The following FHOD3 variants were observed in gnomAD, a reference collection of about 807,000 sequenced individuals.
FHOD3 encodes the protein FH1/FH2 domain-containing protein 3.
Under a neutral mutation model 173.0 loss-of-function variants are expected in FHOD3, and 90 were observed. The observed-to-expected ratio is 0.52, with a 90% CI of 0.44 to 0.62. FHOD3 has a LOEUF of 0.62. FHOD3 is among the 20% of genes least tolerant of loss of function. The pLI is 0.00. For missense variants in FHOD3, 1,945 were observed against 2,034.7 expected, an observed-to-expected ratio of 0.96 and a Z score of 0.85; for synonymous variants, 828 against 823.0, an observed-to-expected ratio of 1.01 and a Z score of -0.10.
intron 3 of FHOD3, among the ~76,000 whole-genome samples, chr18:36,428,265 T>C (rs749502874): frequency 2.0e-5 from 3 of 152,214 alleles, no homozygotes; most frequent in Non-Finnish European, 4.4e-5. Flanking sequence ...GGAATCATAT[T>C]TATACTCTCC....
chr18:36,703,768 T>A (rs960710038), intron 17 of FHOD3, among the ~76,000 whole-genome samples: 1 of 152,164 alleles, frequency 6.6e-6, no homozygotes, highest in Non-Finnish European at 1.5e-5. Flanking sequence ...TCAGGCCGGC[T>A]CGTTCCTCAT....
chr18:36,769,073 G>A (rs2043262916), intron 27 of FHOD3, among the ~76,000 whole-genome samples, 192 bp from the exon 28 acceptor site: 1 of 152,174 alleles, frequency 6.6e-6, no homozygotes, highest in African/African-American at 2.4e-5. Flanking sequence ...TAGCAGTCAC[G>A]AGTTATGGTG....
intron 5 of FHOD3, among the ~76,000 whole-genome samples, chr18:36,523,768 T>A (rs2056385789): frequency 6.6e-6 from 1 of 152,182 alleles, no homozygotes; most frequent in South Asian, 2.1e-4. Flanking sequence ...AGCTCTAAGA[T>A]TCTGTGATTC....
intron 14 of FHOD3, among the ~76,000 whole-genome samples, chr18:36,665,375 C>A (rs1051797197): frequency 6.6e-6 from 1 of 152,186 alleles, no homozygotes; most frequent in East Asian, 1.9e-4. Context: ...AGAAGATGAG[C>A]AAATCATCTG....
chr18:36,661,144 G>A (rs866476566), intron 14 of FHOD3, among the ~76,000 whole-genome samples: 7 of 151,768 alleles, frequency 4.6e-5, no homozygotes, highest in African/African-American at 1.7e-4. Flanking sequence ...GAAATAAGAG[G>A]ATCTTCTAAC....
At chr18:36,555,712 T>G (rs1188210577) in intron 5 of FHOD3, among the ~76,000 whole-genome samples, 1 of 152,168 alleles carries the variant, frequency 6.6e-6, no homozygotes, top group Non-Finnish European at 1.5e-5. Context: ...CTTTGAAGCT[T>G]TGTTATTACA....
At chr18:36,731,621 G>A (rs1413809796) in intron 20 of FHOD3, among the ~76,000 whole-genome samples, 2 of 152,188 alleles carry the variant, frequency 1.3e-5, no homozygotes, top group African/African-American at 4.8e-5. Flanking sequence ...CTCCTTTAAA[G>A]CCTCTCTGTG....
intron 1 of FHOD3, among the ~76,000 whole-genome samples, chr18:36,333,954 T>G (rs904667116): frequency 6.6e-6 from 1 of 152,214 alleles, no homozygotes; most frequent in African/African-American, 2.4e-5. Context: ...CATGTGTACC[T>G]TTTGAATCAG....
intron 16 of FHOD3, among the ~76,000 whole-genome samples, 168 bp downstream of exon 16, chr18:36,687,346 A>G (rs1254118598): frequency 2.0e-5 from 3 of 152,216 alleles, no homozygotes; most frequent in Non-Finnish European, 2.9e-5. Flanking sequence ...TTCCAATAAA[A>G]GTATGGAGTT....
intron 6 of FHOD3, among the ~76,000 whole-genome samples, chr18:36,581,260 C>A (rs1288884294): frequency 6.6e-6 from 1 of 152,298 alleles, no homozygotes; most frequent in African/African-American, 2.4e-5. Flanking sequence ...ATTTTTTTCT[C>A]TTCATACATC....
intron 3 of FHOD3, among the ~76,000 whole-genome samples, chr18:36,458,705 T>G (rs2144635087): frequency 6.7e-6 from 1 of 150,022 alleles, no homozygotes; most frequent in East Asian, 2.0e-4. Flanking sequence ...ATTTAAACTT[T>G]CCTCCAGTGA....
intron 3 of FHOD3, among the ~76,000 whole-genome samples, chr18:36,484,536 T>C (rs1049773085): frequency 6.6e-6 from 1 of 152,086 alleles, no homozygotes; most frequent in Non-Finnish European, 1.5e-5. Flanking sequence ...TAAGTCTCAA[T>C]GAGAATATAA....
chr18:36,630,091 G>A (rs2034403034), intron 10 of FHOD3, among the ~76,000 whole-genome samples: 1 of 152,178 alleles, frequency 6.6e-6, no homozygotes. Context: ...ACATGATGCT[G>A]AGATAGAGAG....
At chr18:36,706,191 C>T (rs973092971) in intron 17 of FHOD3, among the ~76,000 whole-genome samples, 7 of 152,138 alleles carry the variant, frequency 4.6e-5, no homozygotes, top group African/African-American at 1.4e-4. Context: ...TCTTGGCCCT[C>T]AGACAACTTT....
chr18:36,515,797 G>A (rs193007471), intron 5 of FHOD3, among the ~76,000 whole-genome samples: 48 of 152,164 alleles, frequency 3.2e-4, no homozygotes, highest in Middle Eastern at 3.4e-3. Flanking sequence ...CTTTACTGGC[G>A]ACCAGAAGGC....
chr18:36,676,773 G>A (rs893078114), intron 14 of FHOD3, among the ~76,000 whole-genome samples: 3 of 152,110 alleles, frequency 2.0e-5, no homozygotes, highest in Non-Finnish European at 1.5e-5. Flanking sequence ...CTGATTTCTA[G>A]TGAAGATGAG....
chr18:36,649,224 T>C (rs2149078174), intron 10 of FHOD3, 92 bp from the exon 11 acceptor site: 1 of 783,792 alleles, frequency 1.3e-6, no homozygotes, highest in Non-Finnish European at 2.0e-6. Flanking sequence ...TTGTTGTTGT[T>C]GTTTTTGCTT....
intron 24 of FHOD3, among the ~76,000 whole-genome samples, chr18:36,751,610 G>T (rs1284536473): frequency 1.3e-5 from 2 of 152,138 alleles, no homozygotes; most frequent in Non-Finnish European, 2.9e-5. Context: ...CTGTGGATTT[G>T]TCATAGATGG....
At chr18:36,527,967 A>G (rs184896127) in intron 5 of FHOD3, among the ~76,000 whole-genome samples, 9 of 152,140 alleles carry the variant, frequency 5.9e-5, no homozygotes, top group Admixed American at 2.0e-4. Context: ...CCCTCTCTGC[A>G]TGTGACCTTC....
Sources: allele counts gnomAD v4.1 joint callset (sites outside exome capture counted in the v4.1 genomes callset), GRCh38; gene constraint gnomAD v4.1.1; transcripts MANE v1.5; gene names NCBI Gene and HGNC (gene_info 2026-07-23, HGNC 2026-07-21).